Variants in CNNM4 observed in about 807,000 individuals in gnomAD.
CNNM4 encodes the protein metal transporter CNNM4.
Under a neutral mutation model 53.7 loss-of-function variants are expected in CNNM4, and 32 were observed. The observed-to-expected ratio is 0.60, with a 90% CI of 0.45 to 0.80. The LOEUF is 0.80. Ranked by LOEUF, CNNM4 falls within the 30% of genes least tolerant of loss-of-function variation. The pLI is 0.00. For missense variants in CNNM4, 784 were observed against 1,022.0 expected, an observed-to-expected ratio of 0.77 and a Z score of 3.17; for synonymous variants, 410 against 440.0, an observed-to-expected ratio of 0.93 and a Z score of 0.85.
At chr2:96,782,036 T>C (rs1353190009) in intron 1 of CNNM4, among the ~76,000 whole-genome samples, 1 of 152,204 alleles carries the variant, frequency 6.6e-6, no homozygotes, top group Non-Finnish European at 1.5e-5. Flanking sequence ...ATACACTGAT[T>C]GATTTTTTAA....
intron 1 of CNNM4, 30 bp downstream of exon 1, chr2:96,762,431 A>G (rs1558977652): frequency 1.9e-6 from 3 of 1,600,780 alleles, no homozygotes; most frequent in Admixed American, 3.3e-5. Flanking sequence ...CCCTGGTTCA[A>G]TTTCCTCTTG....
intron 1 of CNNM4, among the ~76,000 whole-genome samples, chr2:96,772,623 A>AC (rs1172624831): frequency 3.3e-5 from 4 of 122,616 alleles, no homozygotes; most frequent in African/African-American, 3.2e-5. Context: ...ACACACTCAT[A>AC]CCCCCACATA....
intron 1 of CNNM4, among the ~76,000 whole-genome samples, chr2:96,765,932 C>T (rs1228759411): frequency 4.0e-5 from 6 of 149,534 alleles, no homozygotes; most frequent in Admixed American, 6.7e-5. Context: ...TACAGGCGCC[C>T]GCCACCACGC....
At chr2:96,796,213 C>T (rs1423875707) in intron 1 of CNNM4, among the ~76,000 whole-genome samples, 9 of 129,398 alleles carry the variant, frequency 7.0e-5, no homozygotes, top group African/African-American at 2.0e-4. Flanking sequence ...GGCGTGATCT[C>T]GGCTCACTGC....
At chr2:96,807,529 C>CA (rs1220983573) in intron 5 of CNNM4, among the ~76,000 whole-genome samples, 2 of 151,386 alleles carry the variant, frequency 1.3e-5, no homozygotes, top group East Asian at 3.9e-4. Flanking sequence ...GACTCCATCT[C>CA]AAAAAAACAA....
At chr2:96,771,976 G>C (rs1478672619) in intron 1 of CNNM4, among the ~76,000 whole-genome samples, 4 of 152,122 alleles carry the variant, frequency 2.6e-5, no homozygotes, top group Non-Finnish European at 2.9e-5. Flanking sequence ...ATTCCCCAGA[G>C]GTTACGATCA....
At chr2:96,773,720 G>C (rs916675720) in intron 1 of CNNM4, among the ~76,000 whole-genome samples, 1 of 151,990 alleles carries the variant, frequency 6.6e-6, no homozygotes, top group Middle Eastern at 3.4e-3. Flanking sequence ...GCGTGTGCCT[G>C]TAGTCCCACC....
At chr2:96,765,021 A>G (rs1377379934) in intron 1 of CNNM4, among the ~76,000 whole-genome samples, 4 of 75,904 alleles carry the variant, frequency 5.3e-5, no homozygotes, top group Non-Finnish European at 9.5e-5. Flanking sequence ...GGTGTTGGGA[A>G]TGGTTTTTTT....
chr2:96,765,030 T>G (rs1370589219), intron 1 of CNNM4, among the ~76,000 whole-genome samples: 2 of 76,990 alleles, frequency 2.6e-5, no homozygotes, highest in Non-Finnish European at 2.3e-5. Context: ...AATGGTTTTT[T>G]TTTTTTTTTT....
intron 1 of CNNM4, among the ~76,000 whole-genome samples, chr2:96,794,303 C>T (rs1268324084): frequency 2.0e-5 from 3 of 152,094 alleles, no homozygotes; most frequent in Non-Finnish European, 2.9e-5. Flanking sequence ...GTAAAACATG[C>T]CCATCAAATA....
chr2:96,784,450 G>T (rs991163007), intron 1 of CNNM4, among the ~76,000 whole-genome samples: 1 of 152,090 alleles, frequency 6.6e-6, no homozygotes, highest in Non-Finnish European at 1.5e-5. Flanking sequence ...GTTAGGTGAG[G>T]GTGTAATTAG....
At chr2:96,790,022 T>C (rs2079047222) in intron 1 of CNNM4, among the ~76,000 whole-genome samples, 1 of 134,858 alleles carries the variant, frequency 7.4e-6, no homozygotes, top group African/African-American at 2.8e-5. Context: ...TTTTTTTTTT[T>C]TTTTGAGACG....
In CNNM4 at chr2:96,803,453, G is replaced by A. The variant is rs146732822; in HGVS notation, c.1948+3805G>A. On this transcript the variant is annotated intron_variant, in intron 5 of 6. Coordinates refer to ENST00000377075, the MANE Select transcript of CNNM4 (RefSeq NM_020184.4). ...CAAAACCTTGCAGTTGGCCGTGCGC[G>A]GTGGCTCATGCCTGTAATCCCAACA... Among the ~76,000 whole-genome samples, 10 of 152,158 alleles carry A rather than the reference G, an allele frequency of 6.6e-5. No individual in the cohort carries two copies. The East Asian group carries it at 1.7e-3, about 26-fold the overall frequency.
rs1558976707 is a variant in CNNM4 at position 96,761,671 on chromosome 2, G to GGA, written c.676_677dup (p.Arg227GlyfsTer23). On this transcript the variant is annotated frameshift_variant, in exon 1 of 7. Transcript: ENST00000377075. LOFTEE classifies it high-confidence loss of function. This position sits in a 1 kb window ranked among gnomAD's most constrained non-coding sequence, Gnocchi z 6.0. ...TCGTGCAGAACTGTGGCACCGAGAA[G>GGA]GAGAGGCGCTATGCCCGCAAGATTG... 1 of 1,611,224 alleles carries GGA rather than the reference G, an allele frequency of 6.2e-7. No homozygotes were observed. Among genetic ancestry groups the GGA allele is most frequent in the Admixed American group, 1.7e-5 (1 of 60,020 alleles).
intron 1 of CNNM4, among the ~76,000 whole-genome samples, chr2:96,776,374 A>G (rs1387838102): frequency 6.6e-6 from 1 of 151,824 alleles, no homozygotes; most frequent in East Asian, 1.9e-4. Context: ...CATAATAGCT[A>G]TTTTCACAGT....
At chr2:96,806,535 A>ACACACACACACACGCGCG (rs374638753) in intron 5 of CNNM4, among the ~76,000 whole-genome samples, 6 of 123,944 alleles carry the variant, frequency 4.8e-5, no homozygotes, top group Admixed American at 1.6e-4. Context: ...ACACACACAC[A>ACACACACACACACGCGCG]CGCGCGCGCG....
At chr2:96,778,724 C>T (rs2078947417) in intron 1 of CNNM4, among the ~76,000 whole-genome samples, 2 of 151,582 alleles carry the variant, frequency 1.3e-5, no homozygotes, top group African/African-American at 2.4e-5. Flanking sequence ...GTAGCTGGGA[C>T]TATAGGTGCA....
chr2:96,804,100 A>G (rs186430984), intron 5 of CNNM4, among the ~76,000 whole-genome samples: 1 of 151,492 alleles, frequency 6.6e-6, no homozygotes, highest in Admixed American at 6.6e-5. Context: ...TGGGGGTCTC[A>G]CTATGTTGTC....
Position 96,808,869 on chromosome 2 carries a change from C to G in CNNM4, c.2130+127C>G. On this transcript the variant is annotated intron_variant, in intron 6 of 6. Transcript: ENST00000377075. The surrounding 1 kb of genome is among the most constrained non-coding windows in gnomAD (Gnocchi z 4.9). ...TGCCTTTTTCTTCTGGAGATGGGGTCTTGCTCTGTCGCCCAGGCTGGAATG... is the reference window on the plus strand; with the variant it reads ...TGCCTTTTTCTTCTGGAGATGGGGTGTTGCTCTGTCGCCCAGGCTGGAATG... 1 of 950,532 alleles carries G rather than the reference C, an allele frequency of 1.1e-6. No individual in the cohort carries two copies. The highest frequency in any genetic ancestry group is 1.6e-6 in the Non-Finnish European group (1 of 610,148). The allele number at this position is 950,532 out of a possible 1,614,324, so 58.9% of individuals were successfully genotyped here.
Sources: gnomAD v4.1 joint callset for allele counts (sites outside exome capture counted in the v4.1 genomes callset) on GRCh38, gnomAD v4.1.1 for gene constraint, Gnocchi (gnomAD v3.1) non-coding constraint, MANE v1.5 for transcripts, NCBI Gene and HGNC (gene_info 2026-07-23, HGNC 2026-07-21) for gene names.